SLC25A26: variants seen among roughly 807,000 people sequenced by gnomAD.
SLC25A26 encodes the protein mitochondrial S-adenosylmethionine carrier protein.
In SLC25A26, 36 loss-of-function variants were observed where a neutral mutation model predicts 37.8. The observed-to-expected ratio is 0.95, with a 90% confidence interval of 0.73 to 1.26. The LOEUF (loss-of-function observed/expected upper bound fraction) is 1.26. Among genes scored for constraint, SLC25A26 ranks in the 50% most tolerant of loss-of-function variants. The pLI is 0.00. For synonymous variants in SLC25A26, 129 were observed against 122.5 expected (o/e 1.05, Z -0.35); for missense variants, 390 against 331.1 (o/e 1.18, Z -1.38).
chr3:66,291,609 C>T (rs765064022), intron 5 of SLC25A26, among the ~76,000 whole-genome samples: 2 of 152,040 alleles, frequency 1.3e-5, no homozygotes, highest in Non-Finnish European at 2.9e-5. Flanking sequence ...TGTAGTTGTG[C>T]GGTTTTGAAT....
intron 9 of SLC25A26, among the ~76,000 whole-genome samples, chr3:66,374,473 C>G (rs899960644): frequency 1.3e-5 from 2 of 152,232 alleles, no homozygotes; most frequent in East Asian, 1.9e-4. Flanking sequence ...CATTCCCTCT[C>G]TCTCTCCCTT....
At chr3:66,293,398 T>C (rs1008350176) in intron 5 of SLC25A26, among the ~76,000 whole-genome samples, 16 of 152,182 alleles carry the variant, frequency 1.1e-4, no homozygotes, top group Admixed American at 6.5e-4. Context: ...AAATTTACTT[T>C]AGGTTCAGGG....
At chr3:66,195,692 C>G (rs1291269024) in intron 1 of SLC25A26, among the ~76,000 whole-genome samples, 1 of 152,082 alleles carries the variant, frequency 6.6e-6, no homozygotes, top group Admixed American at 6.5e-5. Context: ...ACAGTAGGTG[C>G]CGGCATTTTA....
At chr3:66,210,718 T>A (rs964481734) in intron 1 of SLC25A26, among the ~76,000 whole-genome samples, 1 of 152,130 alleles carries the variant, frequency 6.6e-6, no homozygotes, top group Non-Finnish European at 1.5e-5. Context: ...TTTGCCATGT[T>A]TCCCAGGCTG....
At chr3:66,233,681 G>A (rs782791325) in intron 1 of SLC25A26, among the ~76,000 whole-genome samples, 2 of 151,262 alleles carry the variant, frequency 1.3e-5, no homozygotes, top group African/African-American at 2.5e-5. Context: ...TATTCTTCAG[G>A]TTCTCTGTTA....
intron 1 of SLC25A26, among the ~76,000 whole-genome samples, chr3:66,160,698 G>A (rs554029222): frequency 2.6e-5 from 4 of 152,328 alleles, no homozygotes; most frequent in African/African-American, 9.6e-5. Flanking sequence ...ACTTTGGGAG[G>A]CTGAGGCAGG....
intron 5 of SLC25A26, among the ~76,000 whole-genome samples, chr3:66,307,222 T>C (rs1347209016): frequency 1.3e-5 from 2 of 152,228 alleles, no homozygotes; most frequent in Non-Finnish European, 2.9e-5. Context: ...TGGTATCTCA[T>C]TGTGGTTTTG....
intron 1 of SLC25A26, among the ~76,000 whole-genome samples, chr3:66,207,562 C>T (rs2071197149): frequency 6.6e-6 from 1 of 152,060 alleles, no homozygotes; most frequent in Admixed American, 6.6e-5. Flanking sequence ...AAAAAGAATA[C>T]AATGCTTATG....
At chr3:66,312,933 C>T (rs573374005) in intron 5 of SLC25A26, among the ~76,000 whole-genome samples, 19 of 152,240 alleles carry the variant, frequency 1.2e-4, no homozygotes, top group African/African-American at 4.6e-4. Flanking sequence ...CATATCGGAG[C>T]TGTTCCTATT....
intron 6 of SLC25A26, chr3:66,356,220 CT>C (rs532229457): frequency 6.1e-4 from 231 of 379,310 alleles, no homozygotes; most frequent in African/African-American, 4.5e-3. Context: ...ATAGAAGACA[CT>C]TGGTCTGGGG....
chr3:66,210,077 A>G (rs1384076534), intron 1 of SLC25A26, among the ~76,000 whole-genome samples: 2 of 149,938 alleles, frequency 1.3e-5, no homozygotes, highest in East Asian at 2.0e-4. Flanking sequence ...TTATGGAGCT[A>G]AAGATGCAAC....
intron 5 of SLC25A26, among the ~76,000 whole-genome samples, chr3:66,291,639 TC>T (rs1672169954): frequency 3.3e-5 from 5 of 152,214 alleles, no homozygotes; most frequent in Admixed American, 3.3e-4. Context: ...AATCCTGAGT[TC>T]TAATTTGATT....
chr3:66,138,202 G>A (rs1206731364), intron 1 of SLC25A26, among the ~76,000 whole-genome samples: 1 of 152,032 alleles, frequency 6.6e-6, no homozygotes, highest in Non-Finnish European at 1.5e-5. Flanking sequence ...ATAAACATGG[G>A]CATTTATAAT....
At chr3:66,271,962 C>G (rs2073975951) in intron 5 of SLC25A26, among the ~76,000 whole-genome samples, 1 of 152,082 alleles carries the variant, frequency 6.6e-6, no homozygotes, top group Non-Finnish European at 1.5e-5. Flanking sequence ...AAATTGAAGA[C>G]ATGAATTTAC....
intron 1 of SLC25A26, among the ~76,000 whole-genome samples, chr3:66,189,188 C>G (rs2070888440): frequency 6.6e-6 from 1 of 152,068 alleles, no homozygotes; most frequent in African/African-American, 2.4e-5. Context: ...CTCATACTGA[C>G]CCTTATGTTG....
At chr3:66,166,599 G>A (rs1224803870) in intron 1 of SLC25A26, among the ~76,000 whole-genome samples, 1 of 152,160 alleles carries the variant, frequency 6.6e-6, no homozygotes, top group South Asian at 2.1e-4. Flanking sequence ...TTTTAATTTG[G>A]TTAAGTTCAC....
intron 6 of SLC25A26, among the ~76,000 whole-genome samples, chr3:66,360,998 A>G (rs868625371): frequency 1.3e-5 from 2 of 152,258 alleles, no homozygotes; most frequent in Non-Finnish European, 1.5e-5. Context: ...TTCAAGATTC[A>G]TTATAAAGTT....
At chr3:66,359,744 A>G (rs916912044) in intron 6 of SLC25A26, among the ~76,000 whole-genome samples, 1 of 152,222 alleles carries the variant, frequency 6.6e-6, no homozygotes, top group Non-Finnish European at 1.5e-5. Context: ...GGAAAAAATA[A>G]TGGTTTCTAT....
At chr3:66,345,330 T>C (rs1454312575) in intron 5 of SLC25A26, among the ~76,000 whole-genome samples, 2 of 152,134 alleles carry the variant, frequency 1.3e-5, no homozygotes, top group Non-Finnish European at 2.9e-5. Context: ...GAGACCTGTT[T>C]CTCAAGTTTG....
Sources: allele counts gnomAD v4.1 joint callset (sites outside exome capture counted in the v4.1 genomes callset), GRCh38; gene constraint gnomAD v4.1.1; transcripts MANE v1.5; gene names NCBI Gene and HGNC (gene_info 2026-07-23, HGNC 2026-07-21).